Variants in TBC1D22B observed in about 807,000 individuals in gnomAD.
TBC1D22B encodes the protein chromosome 6 open reading frame 197.
A neutral mutation model predicts 69.1 loss-of-function variants in TBC1D22B; 32 were observed. The ratio of observed to expected loss-of-function variants is 0.46; its 90% CI spans 0.35 to 0.62. The LOEUF is 0.62. TBC1D22B is among the 20% of genes least tolerant of loss of function. The pLI is 0.00. For synonymous variants in TBC1D22B, 206 were observed against 229.8 expected, an observed-to-expected ratio of 0.90 and a Z score of 0.94; for missense variants, 462 against 630.9, an observed-to-expected ratio of 0.73 and a Z score of 2.87.
chr6:37,259,480 G>A (rs904406955), intron 1 of TBC1D22B, among the ~76,000 whole-genome samples: 1 of 152,086 alleles, frequency 6.6e-6, no homozygotes, highest in South Asian at 2.1e-4. Context: ...GAAGACTGTT[G>A]TATCAGGAAG....
intron 1 of TBC1D22B, among the ~76,000 whole-genome samples, chr6:37,259,338 C>G (rs1765986491): frequency 6.6e-6 from 1 of 152,164 alleles, no homozygotes; most frequent in Non-Finnish European, 1.5e-5. Flanking sequence ...GGTAAGCACA[C>G]TTCCTGCCAA....
At chr6:37,318,098 C>G (rs1312218545) in intron 12 of TBC1D22B, among the ~76,000 whole-genome samples, 2 of 152,208 alleles carry the variant, frequency 1.3e-5, no homozygotes, top group Non-Finnish European at 2.9e-5. Flanking sequence ...TAGGGCCACC[C>G]TGGCTTCTAT....
chr6:37,288,056 C>T (rs777387168), intron 7 of TBC1D22B, among the ~76,000 whole-genome samples: 2 of 152,132 alleles, frequency 1.3e-5, no homozygotes, highest in Non-Finnish European at 2.9e-5. Flanking sequence ...TACTAGTGCT[C>T]TTTTAACGGA....
chr6:37,332,036 C>T lies in TBC1D22B; in HGVS notation c.*864C>T, dbSNP rs1176364904. ...GGGTAAAGATGTACAAATATATGTC[C>T]TCTTTGTAGCAGATATGATTTTATA... On this transcript the variant is annotated 3_prime_UTR_variant, in exon 13 of 13. Coordinates refer to ENST00000373491, the MANE Select transcript of TBC1D22B (RefSeq NM_017772.4). 2 of 152,600 alleles carry T rather than the reference C, an allele frequency of 1.3e-5. No individual in the cohort carries two copies. The highest frequency in any genetic ancestry group is 6.5e-5 in the Admixed American group (1 of 15,276). The allele number at this position is 152,600 out of a possible 1,614,324, so 9.5% of individuals were successfully genotyped here. A position where few individuals can be genotyped will look rare whatever the true frequency, so the allele number is the denominator to read the frequency against.
At chr6:37,306,608 C>T (rs973737918) in intron 8 of TBC1D22B, among the ~76,000 whole-genome samples, 5 of 152,302 alleles carry the variant, frequency 3.3e-5, no homozygotes, top group African/African-American at 1.2e-4. Flanking sequence ...CTGACTTAAC[C>T]AGCAGCAACT....
rs550431771 is a variant in TBC1D22B at position 37,286,440 on chromosome 6, C to T, written c.802-567C>T. ...ACACCATTCTCCTGCCTCGGCCTCC[C>T]GAGTAGCTGGGACTACAGGCACCCG... On this transcript the variant is annotated intron_variant, in intron 6 of 12. Transcript: ENST00000373491. 4.0e-5 allele frequency among the ~76,000 whole-genome samples: 6 copies of T among 151,790 alleles called. No individual in the cohort carries two copies. The East Asian group carries it at 7.9e-4, about 20-fold the overall frequency.
intron 2 of TBC1D22B, among the ~76,000 whole-genome samples, chr6:37,274,911 G>A (rs959693334): frequency 6.6e-6 from 1 of 152,184 alleles, no homozygotes; most frequent in Admixed American, 6.5e-5. Context: ...AATTAGCTGG[G>A]CGTAGTGGCA....
chr6:37,281,985 T>C (rs975944883), intron 3 of TBC1D22B, among the ~76,000 whole-genome samples, 200 bp from the exon 4 acceptor site: 2 of 152,172 alleles, frequency 1.3e-5, no homozygotes, highest in African/African-American at 4.8e-5. Flanking sequence ...TTGATATAAA[T>C]GCAGCCCTTT....
At chr6:37,301,783 T>C (rs1419438558) in intron 8 of TBC1D22B, among the ~76,000 whole-genome samples, 1 of 152,240 alleles carries the variant, frequency 6.6e-6, no homozygotes, top group African/African-American at 2.4e-5. Context: ...TTCTCTCATG[T>C]TGGCGTATCT....
At chr6:37,293,709 G>T (rs910711067) in intron 8 of TBC1D22B, among the ~76,000 whole-genome samples, 1 of 152,216 alleles carries the variant, frequency 6.6e-6, no homozygotes, top group African/African-American at 2.4e-5. Context: ...GAAGAAGGTA[G>T]GTCAAAAGCT....
intron 6 of TBC1D22B, 101 bp downstream of exon 6, chr6:37,284,565 G>A (rs1766946436): frequency 1.5e-6 from 2 of 1,313,622 alleles, no homozygotes. Context: ...TCTTCAGGCT[G>A]TGGTATATTG....
chr6:37,282,330 C>T lies in TBC1D22B; in HGVS notation c.567C>T (p.Phe189=), dbSNP rs1163280700. The T allele has an allele frequency of 1.2e-6, 2 of 1,612,618 alleles. No individual in the cohort carries two copies. Among genetic ancestry groups the T allele is most frequent in the Non-Finnish European group, 1.7e-6 (2 of 1,179,134 alleles). Residue 189 remains phenylalanine (F), a synonymous_variant, in exon 4 of 13, where the codon TTC becomes TTT. Coordinates refer to ENST00000373491, the MANE Select transcript of TBC1D22B (RefSeq NM_017772.4). ...TVREKTRLEK[F]RQLLSSQNTD... ...GGGAGAAAACCCGCCTAGAAAAATT[C>T]CGTCAACTTCTCTCCAGCCAGAACA...
chr6:37,285,811 G>A (rs771922520), intron 6 of TBC1D22B, among the ~76,000 whole-genome samples: 4 of 152,038 alleles, frequency 2.6e-5, no homozygotes, highest in African/African-American at 4.8e-5. Context: ...TAGTGGAGAC[G>A]GGGTTTCACC....
intron 1 of TBC1D22B, 166 bp downstream of exon 1, chr6:37,258,139 C>A: frequency 4.0e-6 from 3 of 751,286 alleles, no homozygotes; most frequent in Non-Finnish European, 4.2e-6. Flanking sequence ...AAGCGAACAG[C>A]GAGCTTTGGG....
chr6:37,257,939 C>A lies in TBC1D22B; in HGVS notation c.22C>A (p.Gln8Lys). The A allele has an allele frequency of 6.2e-7, 1 of 1,614,072 alleles. No homozygotes were observed. The highest frequency in any genetic ancestry group is 8.5e-7 in the Non-Finnish European group (1 of 1,179,984). ...AGCAATGGCCGCTGAGAACAGCAAG[C>A]AGTTTTGGAAGAGGAGCGCTAAGCT... is the stretch of plus-strand genomic sequence containing the variant. MAAENSK[Q>K]FWKRSAKLPG... The change falls in exon 1 of 13, where the codon CAG becomes AAG. Residue 8 changes from glutamine (Q) to lysine (K), a missense_variant. Around this residue, in one of 2 missense-constraint regions of TBC1D22B, gnomAD observed 237 missense variants for 255.4 expected, o/e 0.93. Transcript: ENST00000373491.
intron 8 of TBC1D22B, among the ~76,000 whole-genome samples, chr6:37,292,680 C>T (rs1018495759): frequency 6.6e-6 from 1 of 152,192 alleles, no homozygotes; most frequent in African/African-American, 2.4e-5. Context: ...AGTCTAAATG[C>T]TGTCATGAAA....
intron 1 of TBC1D22B, among the ~76,000 whole-genome samples, chr6:37,264,771 T>C (rs1766219621): frequency 6.6e-6 from 1 of 152,174 alleles, no homozygotes. Flanking sequence ...GCAGGATGGA[T>C]ACAATTTTGA....
At chr6:37,330,931 T>C (rs1270496300) in intron 12 of TBC1D22B, 113 bp from the exon 13 acceptor site, 14 of 1,060,780 alleles carry the variant, frequency 1.3e-5, no homozygotes, top group Non-Finnish European at 1.8e-5. Flanking sequence ...CTCTTTGAGA[T>C]GTGTGAGCCA....
chr6:37,275,462 T>A (rs531661565), intron 2 of TBC1D22B, among the ~76,000 whole-genome samples: 1 of 152,306 alleles, frequency 6.6e-6, no homozygotes, highest in South Asian at 2.1e-4. Flanking sequence ...TGCAGATCCT[T>A]CTAGGCCCTG....
Sources: allele counts gnomAD v4.1 joint callset (sites outside exome capture counted in the v4.1 genomes callset), GRCh38; gene constraint gnomAD v4.1.1; regional missense constraint gnomAD v4.1.1; transcripts MANE v1.5; gene names NCBI Gene and HGNC (gene_info 2026-07-23, HGNC 2026-07-21).